NREP: variants seen among roughly 807,000 people sequenced by gnomAD.
The protein encoded by NREP is neuronal regeneration-related protein.
NREP carries 5 observed loss-of-function variants against 8.6 expected under a neutral mutation model. The observed-to-expected ratio is 0.58, with a 90% confidence interval of 0.30 to 1.22. NREP has a LOEUF of 1.22. Among genes scored for constraint, NREP ranks in the 50% most tolerant of loss-of-function variants. NREP has a pLI of 0.07. For missense variants in NREP, 86 were observed against 82.5 expected (o/e 1.04, Z -0.17); for synonymous variants, 27 against 28.0 (o/e 0.96, Z 0.11).
chr5:111,950,873 A>G (rs1277035907), intron 2 of NREP, among the ~76,000 whole-genome samples: 1 of 152,100 alleles, frequency 6.6e-6, no homozygotes, highest in Non-Finnish European at 1.5e-5. Flanking sequence ...AGGAAATAGT[A>G]TGAGTACTGC....
chr5:111,776,668 C>T (rs1278192284), intron 2 of NREP, among the ~76,000 whole-genome samples: 3 of 152,078 alleles, frequency 2.0e-5, no homozygotes, highest in African/African-American at 7.2e-5. Context: ...GTTTACACTA[C>T]AACATGGAAA....
intron 2 of NREP, among the ~76,000 whole-genome samples, chr5:111,827,341 G>T (rs193030172): frequency 1.3e-4 from 20 of 152,264 alleles, no homozygotes; most frequent in Admixed American, 5.2e-4. Flanking sequence ...ACACCAGAAG[G>T]GTTGTTTGGG....
chr5:111,956,908 G>A (rs188860788), intron 2 of NREP, among the ~76,000 whole-genome samples: 289 of 151,938 alleles, frequency 1.9e-3, no homozygotes, highest in African/African-American at 6.6e-3. Flanking sequence ...AGGTTGCAGT[G>A]AGCAGAGATT....
At chr5:111,976,200 A>G (rs1756959218) in intron 1 of NREP, among the ~76,000 whole-genome samples, 1 of 152,206 alleles carries the variant, frequency 6.6e-6, no homozygotes, top group African/African-American at 2.4e-5. Context: ...TTTTGACTTA[A>G]ATAGGAGCTC....
At chr5:111,884,523 G>T (rs1398646759) in intron 2 of NREP, among the ~76,000 whole-genome samples, 1 of 151,984 alleles carries the variant, frequency 6.6e-6, no homozygotes, top group Non-Finnish European at 1.5e-5. Context: ...CACAACCAAA[G>T]AAGAGAATTT....
intron 2 of NREP, among the ~76,000 whole-genome samples, chr5:111,972,284 A>C (rs1756841935): frequency 6.6e-6 from 1 of 152,222 alleles, no homozygotes; most frequent in Non-Finnish European, 1.5e-5. Flanking sequence ...CATACTGTTG[A>C]TGTTGAATGT....
intron 2 of NREP, chr5:111,846,420 C>CTTTTTTTTTTTTTTTTTGTTTTTTTT (rs1753170493): frequency 2.3e-5 from 1 of 44,414 alleles, no homozygotes; most frequent in Non-Finnish European, 4.2e-5. Flanking sequence ...TTTTTGTTTG[C>CTTTTTTTTTTTTTTTTTGTTTTTTTT]TTTTTTTTTT....
At chr5:111,758,446 T>C (rs1369607683), upstream of NREP, among the ~76,000 whole-genome samples, 1 of 152,264 alleles carries the variant, frequency 6.6e-6, no homozygotes, top group African/African-American at 2.4e-5. Context: ...TTAAAATCTA[T>C]CTTTTCATAG....
chr5:111,833,005 C>T (rs1376984931), intron 2 of NREP, among the ~76,000 whole-genome samples: 1 of 152,226 alleles, frequency 6.6e-6, no homozygotes, highest in Non-Finnish European at 1.5e-5. Context: ...TCCCGCCAGG[C>T]AGGCTCCAAT....
chr5:111,934,423 A>G (rs1755626247), intron 2 of NREP, among the ~76,000 whole-genome samples: 1 of 152,082 alleles, frequency 6.6e-6, no homozygotes, highest in Non-Finnish European at 1.5e-5. Context: ...GAAGTGGAAA[A>G]TAGGGGAAGA....
chr5:111,862,407 C>T (rs1753563092), intron 2 of NREP, among the ~76,000 whole-genome samples: 1 of 152,044 alleles, frequency 6.6e-6, no homozygotes, highest in Non-Finnish European at 1.5e-5. Flanking sequence ...TAACTCTTTC[C>T]AAAGAATGAC....
intron 2 of NREP, among the ~76,000 whole-genome samples, chr5:111,833,534 C>T (rs1229185506): frequency 6.6e-6 from 1 of 152,124 alleles, no homozygotes; most frequent in African/African-American, 2.4e-5. Flanking sequence ...AGGGAGAAAA[C>T]CACTTGATTT....
At chr5:111,784,322 G>A (rs1581115366) in intron 2 of NREP, among the ~76,000 whole-genome samples, 1 of 151,428 alleles carries the variant, frequency 6.6e-6, no homozygotes, top group East Asian at 2.0e-4. Context: ...AAGGAAAGCT[G>A]GGAATGTAGT....
intron 2 of NREP, among the ~76,000 whole-genome samples, chr5:111,744,997 G>C (rs1266387100): frequency 6.6e-6 from 1 of 152,092 alleles, no homozygotes; most frequent in Non-Finnish European, 1.5e-5. Flanking sequence ...AACAGGAGTA[G>C]TTGGAACCCA....
At chr5:111,790,347 C>CTTTTTTTTTTTTTTTT (rs57775701) in intron 2 of NREP, among the ~76,000 whole-genome samples, 8 of 59,594 alleles carry the variant, frequency 1.3e-4, no homozygotes, top group Non-Finnish European at 1.7e-4. Context: ...AAAACCTTAA[C>CTTTTTTTTTTTTTTTT]TTTTTTTTTT....
chr5:111,879,928 A>G (rs1206410677), intron 2 of NREP, among the ~76,000 whole-genome samples: 1 of 151,974 alleles, frequency 6.6e-6, no homozygotes, highest in African/African-American at 2.4e-5. Flanking sequence ...AACCCTAATT[A>G]CCTCCCAAAG....
At chr5:111,746,679 G>C (rs1405921296) in intron 2 of NREP, among the ~76,000 whole-genome samples, 1 of 152,124 alleles carries the variant, frequency 6.6e-6, no homozygotes, top group African/African-American at 2.4e-5. Context: ...TTATCAAAGA[G>C]TAAGTCCCAT....
rs574517491 is a variant in NREP at position 111,833,455 on chromosome 5, C to G, written c.136-97948G>C. Among the ~76,000 whole-genome samples the G allele has an allele frequency of 2.0e-5, 3 of 152,256 alleles. No individual in the cohort carries two copies. In the South Asian group the frequency reaches 6.2e-4, roughly 32 times the overall value. ...ATTCTAGACTTTTCTCCTTGCAGAC[C>G]GAGGTAAAATCTGTTCATCACTAAT... On this transcript the variant is annotated intron_variant, in intron 2 of 3. Coordinates refer to the NREP transcript ENST00000395634.
chr5:111,865,483 T>C (rs978689578), intron 2 of NREP, among the ~76,000 whole-genome samples: 1 of 152,174 alleles, frequency 6.6e-6, no homozygotes, highest in Admixed American at 6.6e-5. Flanking sequence ...TGGCAACATG[T>C]AACACTGAGA....
Sources: allele counts gnomAD v4.1 joint callset (sites outside exome capture counted in the v4.1 genomes callset), GRCh38; gene constraint gnomAD v4.1.1; transcripts MANE v1.5; gene names NCBI Gene and HGNC (gene_info 2026-07-23, HGNC 2026-07-21).